Variants in NPSR1 observed in about 807,000 individuals in gnomAD.
The protein encoded by NPSR1 is neuropeptide S receptor 1.
NPSR1 carries 48 observed loss-of-function variants against 46.9 expected under a neutral mutation model. That is an observed-to-expected ratio of 1.02 (90% CI 0.81 to 1.30). The LOEUF is 1.30. NPSR1 is among the 50% of genes most tolerant of loss of function. The probability of loss-of-function intolerance (pLI) is 0.00; values close to 1 mark genes in which losing one functional copy is unlikely to be tolerated. For synonymous variants in NPSR1, 176 were observed against 168.1 expected (o/e 1.05, Z -0.36); for missense variants, 450 against 449.5 (o/e 1.00, Z -0.01).
At chr7:34,864,980 G>A (rs1458007928) in intron 8 of NPSR1, among the ~76,000 whole-genome samples, 2 of 151,714 alleles carry the variant, frequency 1.3e-5, no homozygotes, top group African/African-American at 2.4e-5. Flanking sequence ...CCAATGGAAC[G>A]TGGAAAAAAA....
At chr7:34,793,255 G>C (rs1356011154) in intron 3 of NPSR1, among the ~76,000 whole-genome samples, 1 of 152,006 alleles carries the variant, frequency 6.6e-6, no homozygotes, top group African/African-American at 2.4e-5. Context: ...ACTATCAACA[G>C]AGTAAAGATA....
At chr7:34,725,684 A>G (rs80126588) in intron 2 of NPSR1, among the ~76,000 whole-genome samples, 3,412 of 152,306 alleles carry the variant, frequency 0.022, 117 homozygotes, top group African/African-American at 0.077. Context: ...TAGTAAAAAG[A>G]AAGTGGATCA....
chr7:34,707,687 T>C (rs1794176876), intron 2 of NPSR1, among the ~76,000 whole-genome samples: 2 of 152,308 alleles, frequency 1.3e-5, no homozygotes, highest in Non-Finnish European at 2.9e-5. Flanking sequence ...AGCTCAGTGA[T>C]AGAGTAAGCT....
intron 8 of NPSR1, among the ~76,000 whole-genome samples, chr7:34,848,893 C>A (rs1008515736): frequency 1.3e-5 from 2 of 152,194 alleles, no homozygotes; most frequent in Non-Finnish European, 2.9e-5. Flanking sequence ...ATAGAAACCG[C>A]CTTAATCATG....
At chr7:34,799,574 C>T (rs1788370947) in intron 3 of NPSR1, among the ~76,000 whole-genome samples, 1 of 150,536 alleles carries the variant, frequency 6.6e-6, no homozygotes, top group Admixed American at 6.6e-5. Context: ...AAGCACTAAA[C>T]ATGCAAAGGA....
chr7:34,689,604 CAAAAAAAAAAA>C lies in NPSR1; in HGVS notation c.280+4940_280+4950del, dbSNP rs869170591. 8.2e-4 allele frequency among the ~76,000 whole-genome samples: 30 copies of C among 36,690 alleles called. No homozygotes were observed. In the South Asian group the frequency reaches 0.02, roughly 25 times the overall value. The allele number at this position is 36,690 out of a possible 152,430, so 24.1% of individuals were successfully genotyped here. A position where few individuals can be genotyped will look rare whatever the true frequency, so the allele number is the denominator to read the frequency against. On this transcript the variant is annotated intron_variant, in intron 2 of 8. Coordinates refer to ENST00000360581, the MANE Select transcript of NPSR1 (RefSeq NM_207172.2). ...TGGATGACAGAGCCAGACTCTGTCTCAAAAAAAAAAAAAAAAAAAAAAAAAAAAAAGAAAAG... is the reference window on the plus strand; with the variant it reads ...TGGATGACAGAGCCAGACTCTGTCTCAAAAAAAAAAAAAAAAAAAGAAAAG...
At chr7:34,751,924 T>G in intron 2 of NPSR1, 1 of 1,400,038 alleles carries the variant, frequency 7.1e-7, no homozygotes, top group Non-Finnish European at 1.0e-6. Context: ...TCAAACAACT[T>G]GTGTTCCTGA....
intron 2 of NPSR1, among the ~76,000 whole-genome samples, chr7:34,695,386 GGACATT>G (rs1238830566): frequency 1.3e-5 from 2 of 151,924 alleles, no homozygotes; most frequent in African/African-American, 4.8e-5. Context: ...AAACTCTACT[GGACATT>G]AGACTAGGCA....
At position 34,834,393 on chromosome 7, in the gene NPSR1, T is replaced by C. The variant is rs1368705156; in HGVS notation, c.690T>C (p.Tyr230=). Residue 230 remains tyrosine, a synonymous_variant, in exon 6 of 9, where the codon TAT becomes TAC. Coordinates refer to ENST00000360581, the MANE Select transcript of NPSR1 (RefSeq NM_207172.2). ...TTGGTTCTTTCTGCAGCATCATGTA[T>C]GGCATTGTGATCCGAACTATTTGGA... The part of the protein sequence containing the change: ...FIPLTIISIM[Y]GIVIRTIWIK... 1.9e-6 allele frequency: 3 copies of C among 1,613,144 alleles called. No individual in the cohort carries two copies. Among genetic ancestry groups the C allele is most frequent in the African/African-American group, 2.7e-5 (2 of 74,922 alleles).
chr7:34,659,051 T>C (rs1319179294), intron 1 of NPSR1, among the ~76,000 whole-genome samples: 1 of 152,198 alleles, frequency 6.6e-6, no homozygotes, highest in East Asian at 1.9e-4. Context: ...TCATTAAACA[T>C]CAGTGAGGAA....
chr7:34,805,656 C>T (rs1055659110), intron 3 of NPSR1, among the ~76,000 whole-genome samples: 4 of 151,688 alleles, frequency 2.6e-5, no homozygotes, highest in African/African-American at 4.8e-5. Context: ...AGATACAACA[C>T]CAGAAGCATA....
At chr7:34,724,568 T>C (rs914060310) in intron 2 of NPSR1, among the ~76,000 whole-genome samples, 2 of 152,220 alleles carry the variant, frequency 1.3e-5, no homozygotes, top group African/African-American at 4.8e-5. Context: ...TCAAAGTTAT[T>C]CCTCCTCATG....
intron 3 of NPSR1, 41 bp from the exon 4 acceptor site, chr7:34,811,729 C>A (rs1319817758): frequency 9.8e-6 from 14 of 1,422,622 alleles, no homozygotes; most frequent in Non-Finnish European, 1.2e-5. Flanking sequence ...CCTTCCCTCA[C>A]CTCTCTGAAG....
chr7:34,700,482 A>G (rs1793769291), intron 2 of NPSR1, among the ~76,000 whole-genome samples: 1 of 152,200 alleles, frequency 6.6e-6, no homozygotes, highest in Non-Finnish European at 1.5e-5. Flanking sequence ...TTTTTCAGAG[A>G]AGACATACAA....
At chr7:34,873,391 T>C (rs1584164186) in intron 8 of NPSR1, among the ~76,000 whole-genome samples, 1 of 151,678 alleles carries the variant, frequency 6.6e-6, no homozygotes, top group South Asian at 2.1e-4. Flanking sequence ...ATTCTTACAC[T>C]GCTATAAAAA....
intron 1 of NPSR1, among the ~76,000 whole-genome samples, chr7:34,664,834 C>T (rs956998053): frequency 6.6e-6 from 1 of 152,106 alleles, no homozygotes; most frequent in Non-Finnish European, 1.5e-5. Flanking sequence ...TTTTCCAGGC[C>T]ACAGATGGCA....
At chr7:34,791,900 G>T (rs1362559955) in intron 3 of NPSR1, among the ~76,000 whole-genome samples, 3 of 152,224 alleles carry the variant, frequency 2.0e-5, no homozygotes, top group African/African-American at 7.2e-5. Flanking sequence ...ATCCATGTAT[G>T]TATGGTCCAC....
At chr7:34,821,052 A>C (rs1789531129) in intron 4 of NPSR1, among the ~76,000 whole-genome samples, 1 of 149,496 alleles carries the variant, frequency 6.7e-6, no homozygotes, top group African/African-American at 2.5e-5. Flanking sequence ...GCCTTGGCTG[A>C]GGAGGAAATC....
At chr7:34,831,223 T>C (rs1374287012) in intron 5 of NPSR1, among the ~76,000 whole-genome samples, 1 of 151,974 alleles carries the variant, frequency 6.6e-6, no homozygotes, top group African/African-American at 2.4e-5. Flanking sequence ...AATAACGCAA[T>C]AAATTGCACC....
Sources: allele counts gnomAD v4.1 joint callset (sites outside exome capture counted in the v4.1 genomes callset), GRCh38; gene constraint gnomAD v4.1.1; transcripts MANE v1.5; gene names NCBI Gene and HGNC (gene_info 2026-07-23, HGNC 2026-07-21).